The following SBF2 variants were observed in gnomAD, a reference collection of about 807,000 sequenced individuals.
SBF2 encodes myotubularin-related protein 13.
A neutral mutation model predicts 225.2 loss-of-function variants in SBF2; 112 were observed. The observed-to-expected ratio is 0.50, with a 90% confidence interval of 0.43 to 0.58. The LOEUF (loss-of-function observed/expected upper bound fraction) is 0.58, where lower values mean the gene tolerates loss of function less well. SBF2 is among the 20% of genes least tolerant of loss of function. SBF2 has a pLI of 0.00. For synonymous variants in SBF2, 763 were observed against 773.3 expected, an observed-to-expected ratio of 0.99 and a Z score of 0.22; for missense variants, 1,996 against 2,206.2, an observed-to-expected ratio of 0.90 and a Z score of 1.91.
intron 1 of SBF2, among the ~76,000 whole-genome samples, chr11:10,256,431 G>A (rs576123344): frequency 1.3e-5 from 2 of 152,216 alleles, no homozygotes; most frequent in African/African-American, 4.8e-5. Flanking sequence ...AGAGTTCCTG[G>A]GCCAGGCCAA....
At chr11:9,992,048 A>G (rs190226817) in intron 12 of SBF2, among the ~76,000 whole-genome samples, 1 of 152,156 alleles carries the variant, frequency 6.6e-6, no homozygotes, top group Non-Finnish European at 1.5e-5. Context: ...ACCATTTTTT[A>G]AAATGTAATA....
intron 27 of SBF2, among the ~76,000 whole-genome samples, chr11:9,830,151 G>A (rs938319333): frequency 6.6e-6 from 1 of 152,206 alleles, no homozygotes; most frequent in Non-Finnish European, 1.5e-5. Flanking sequence ...ATATAAGCCT[G>A]GTTTGGGTGA....
intron 1 of SBF2, among the ~76,000 whole-genome samples, chr11:10,259,770 A>G (rs536997875): frequency 9.0e-4 from 137 of 152,260 alleles, no homozygotes; most frequent in African/African-American, 3.1e-3. Context: ...CAACAAAATA[A>G]GCCTACTTTA....
intron 37 of SBF2, 137 bp downstream of exon 37, chr11:9,784,988 T>A: frequency 1.2e-6 from 1 of 810,706 alleles, no homozygotes. Context: ...TCTAAAACAT[T>A]ACAAAAATTA....
At chr11:10,235,645 C>A (rs549010317) in intron 1 of SBF2, among the ~76,000 whole-genome samples, 1 of 152,208 alleles carries the variant, frequency 6.6e-6, no homozygotes, top group Admixed American at 6.5e-5. Context: ...AATCAACAAT[C>A]CTTCAAACGT....
rs187901516 is a variant in SBF2, at chr11:10,013,890, T to G, written c.620-11201A>C. On this transcript the variant is annotated intron_variant, in intron 6 of 39. Coordinates refer to ENST00000256190, the MANE Select transcript of SBF2 (RefSeq NM_030962.4). ...CCTTTTCCTCTACTTACTTGCTCAT[T>G]CATTCATTCATTCATTATCAGTGTG... Among the ~76,000 whole-genome samples the G allele has an allele frequency of 1.4e-4, 22 of 152,294 alleles. No homozygotes were observed. In the East Asian group the frequency reaches 4.0e-3, roughly 28 times the overall value.
At chr11:10,224,088 T>C (rs755914286) in intron 1 of SBF2, among the ~76,000 whole-genome samples, 7 of 152,274 alleles carry the variant, frequency 4.6e-5, no homozygotes, top group East Asian at 1.9e-4. Flanking sequence ...TATGGTAAGA[T>C]AGACTAGTAT....
intron 1 of SBF2, among the ~76,000 whole-genome samples, chr11:10,212,743 G>C (rs1190847735): frequency 6.6e-6 from 1 of 152,152 alleles, no homozygotes; most frequent in Non-Finnish European, 1.5e-5. Context: ...CCTATCTTGA[G>C]TCTGATGGTT....
rs779888479 is a variant in SBF2, at chr11:9,993,913, C to T, written c.1053+8G>A. 9.2e-6 allele frequency: 13 copies of T among 1,414,802 alleles called. No individual in the cohort carries two copies. Among genetic ancestry groups the T allele is most frequent in the Non-Finnish European group, 1.2e-5 (12 of 998,484 alleles). 87.6% of individuals were successfully genotyped at this position (1,414,802 alleles called of 1,614,324 possible). ...AACAGCATTAAATTTAAATATTAAA[C>T]TTCTTACCAGCATTTTTGAGTGGGA... is the stretch of plus-strand genomic sequence containing the variant. On this transcript the variant is annotated splice_region_variant and intron_variant, in intron 10 of 39. Transcript: ENST00000256190.
intron 17 of SBF2, among the ~76,000 whole-genome samples, chr11:9,885,998 TC>T (rs980464660): frequency 5.2e-4 from 79 of 152,302 alleles, no homozygotes; most frequent in African/African-American, 1.8e-3. Flanking sequence ...AGGGCATTGT[TC>T]CTTTTGTCAA....
intron 32 of SBF2, among the ~76,000 whole-genome samples, chr11:9,805,177 C>T (rs956438194): frequency 8.3e-5 from 12 of 143,962 alleles, no homozygotes; most frequent in African/African-American, 1.5e-4. Context: ...GCCTGGGAGG[C>T]GGAGGTTGTA....
intron 16 of SBF2, among the ~76,000 whole-genome samples, chr11:9,934,516 T>G (rs930090994): frequency 6.6e-6 from 1 of 152,186 alleles, no homozygotes; most frequent in African/African-American, 2.4e-5. Flanking sequence ...AAGAGAATTT[T>G]AGATCAATAT....
At chr11:9,855,931 T>G (rs534137719) in intron 19 of SBF2, among the ~76,000 whole-genome samples, 125 of 152,302 alleles carry the variant, frequency 8.2e-4, no homozygotes, top group African/African-American at 2.9e-3. Context: ...GAGACCAGTT[T>G]GGTTGACAGA....
At chr11:10,254,074 T>C (rs1960623617) in intron 1 of SBF2, among the ~76,000 whole-genome samples, 1 of 152,114 alleles carries the variant, frequency 6.6e-6, no homozygotes, top group South Asian at 2.1e-4. Flanking sequence ...TGGAAAACAG[T>C]ACGGAGGTTG....
chr11:9,805,636 C>T (rs554096993), intron 32 of SBF2, among the ~76,000 whole-genome samples: 142 of 149,806 alleles, frequency 9.5e-4, no homozygotes, highest in African/African-American at 3.3e-3. Flanking sequence ...TTTTTTTTTT[C>T]CCCCAAGACG....
At chr11:10,042,747 A>T (rs1949699267) in intron 3 of SBF2, 97 bp downstream of exon 3, 1 of 1,293,626 alleles carries the variant, frequency 7.7e-7, no homozygotes. Context: ...TAGCCCATAA[A>T]ACTCAAACTT....
At position 9,854,843 on chromosome 11, in the gene SBF2, G is replaced by A. The variant is rs184759080; in HGVS notation, c.2364-1131C>T. Among the ~76,000 whole-genome samples, 617 of 152,140 alleles carry A rather than the reference G, an allele frequency of 4.1e-3. 2 individuals carry two copies. The highest frequency in any genetic ancestry group is 0.011 in the African/African-American group (468 of 41,492). On this transcript the variant is annotated intron_variant, in intron 19 of 39. Coordinates refer to ENST00000256190, the MANE Select transcript of SBF2 (RefSeq NM_030962.4). The stretch of plus-strand genomic sequence containing the variant: ...TGGCCTCAAGCAATCCTCCCACTTC[G>A]GTCTCCCAAAGTGCTGGGATTATAA...
At chr11:10,209,994 T>C (rs1957875471) in intron 1 of SBF2, among the ~76,000 whole-genome samples, 1 of 152,082 alleles carries the variant, frequency 6.6e-6, no homozygotes, top group Non-Finnish European at 1.5e-5. Context: ...CATCCATGTT[T>C]CAAGTAGAAA....
At chr11:10,201,049 A>G (rs535378973) in intron 1 of SBF2, among the ~76,000 whole-genome samples, 1 of 152,340 alleles carries the variant, frequency 6.6e-6, no homozygotes, top group East Asian at 1.9e-4. Context: ...GAACTTCAGC[A>G]TTGTACCTAG....
Sources: gnomAD v4.1 joint callset for allele counts (sites outside exome capture counted in the v4.1 genomes callset) on GRCh38, gnomAD v4.1.1 for gene constraint, MANE v1.5 for transcripts, NCBI Gene and HGNC (gene_info 2026-07-23, HGNC 2026-07-21) for gene names.